The following SORCS3 variants were observed in gnomAD, a reference collection of about 807,000 sequenced individuals.
The protein encoded by SORCS3 is sortilin related VPS10 domain containing receptor 3.
SORCS3 carries 57 observed loss-of-function variants against 146.3 expected under a neutral mutation model. The ratio of observed to expected loss-of-function variants is 0.39; its 90% CI spans 0.31 to 0.49. The LOEUF (loss-of-function observed/expected upper bound fraction) is 0.49. Among genes scored for constraint, SORCS3 ranks in the 20% least tolerant of loss-of-function variants. The probability of loss-of-function intolerance (pLI) is 0.92; values close to 1 mark genes in which losing one functional copy is unlikely to be tolerated. For missense variants in SORCS3, 1,341 were observed against 1,575.5 expected, an observed-to-expected ratio of 0.85 and a Z score of 2.52; for synonymous variants, 653 against 618.5, an observed-to-expected ratio of 1.06 and a Z score of -0.83.
At chr10:105,171,208 A>G (rs2056356884) in intron 13 of SORCS3, among the ~76,000 whole-genome samples, 1 of 152,214 alleles carries the variant, frequency 6.6e-6, no homozygotes, top group Non-Finnish European at 1.5e-5. Flanking sequence ...TTTCCTACAA[A>G]TTGAAATGAT....
chr10:105,259,261 A>G (rs2056947239), intron 25 of SORCS3, among the ~76,000 whole-genome samples: 2 of 152,264 alleles, frequency 1.3e-5, no homozygotes, highest in Non-Finnish European at 2.9e-5. Context: ...ACACCTGGCC[A>G]TTAAACGCTC....
At chr10:104,882,733 A>T (rs564657706) in intron 2 of SORCS3, among the ~76,000 whole-genome samples, 1 of 152,200 alleles carries the variant, frequency 6.6e-6, no homozygotes, top group South Asian at 2.1e-4. Flanking sequence ...GATACAGCCC[A>T]GTCCTCTTGC....
chr10:104,706,201 CTTTTTTTTTTT>C lies in SORCS3; in HGVS notation c.627+64262_627+64272del, dbSNP rs1162969172. ...TTGTTTGTTTGTTTCTTTTCTTCTT[CTTTTTTTTTTT>C]TTTTTTTTTTTTTTGAGAAGGAGTC... On this transcript the variant is annotated intron_variant, in intron 1 of 26. Coordinates refer to ENST00000369701, the MANE Select transcript of SORCS3 (RefSeq NM_014978.3). Among the ~76,000 whole-genome samples the C allele has an allele frequency of 1.2e-4, 10 of 85,872 alleles. 1 individual carries two copies. The South Asian group carries it at 1.8e-3, about 15-fold the overall frequency. 56.3% of individuals were successfully genotyped at this position (85,872 alleles called of 152,430 possible). A position where few individuals can be genotyped will look rare whatever the true frequency, so the allele number is the denominator to read the frequency against.
chr10:104,700,229 G>A (rs1463463224), intron 1 of SORCS3, among the ~76,000 whole-genome samples: 1 of 152,190 alleles, frequency 6.6e-6, no homozygotes, highest in Non-Finnish European at 1.5e-5. Context: ...ACAAGTGAAA[G>A]AAATGAAACT....
intron 7 of SORCS3, among the ~76,000 whole-genome samples, chr10:105,119,267 T>A (rs2055914579): frequency 6.6e-6 from 1 of 152,130 alleles, no homozygotes; most frequent in Non-Finnish European, 1.5e-5. Context: ...AAGTCAAGAA[T>A]TGAGGTTTGG....
At chr10:104,779,385 A>G (rs1038041600) in intron 1 of SORCS3, among the ~76,000 whole-genome samples, 3 of 152,204 alleles carry the variant, frequency 2.0e-5, no homozygotes, top group African/African-American at 7.2e-5. Context: ...GACACAAGGA[A>G]GTTGGACACC....
rs574628717 is a variant in SORCS3, at chr10:104,889,913, C to T, written c.696-25920C>T. On this transcript the variant is annotated intron_variant, in intron 2 of 26. Transcript: ENST00000369701. ...AGTATACAGATGATAGTTCTTTCAT[C>T]TGTTTTAGAAAACCTTTATTTTGCT... Among the ~76,000 whole-genome samples, 154 of 152,162 alleles carry T rather than the reference C, an allele frequency of 1.0e-3. 1 individual carries two copies. The highest frequency in any genetic ancestry group is 3.3e-3 in the African/African-American group (139 of 41,554).
intron 2 of SORCS3, among the ~76,000 whole-genome samples, chr10:104,848,728 G>T (rs1320802608): frequency 6.6e-6 from 1 of 152,116 alleles, no homozygotes; most frequent in African/African-American, 2.4e-5. Context: ...CTCCTGAATG[G>T]GTCACAGAAC....
intron 1 of SORCS3, among the ~76,000 whole-genome samples, chr10:104,704,487 A>G (rs2016314659): frequency 6.6e-6 from 1 of 152,104 alleles, no homozygotes. Flanking sequence ...TGACTTCTAC[A>G]GGTTCAACTA....
At chr10:105,000,721 C>T (rs2055055974) in intron 4 of SORCS3, among the ~76,000 whole-genome samples, 5 of 152,164 alleles carry the variant, frequency 3.3e-5, no homozygotes, top group Admixed American at 3.3e-4. Flanking sequence ...AGACAGTTTG[C>T]TGCTGCATGC....
chr10:104,883,679 T>G (rs923569610), intron 2 of SORCS3, among the ~76,000 whole-genome samples: 1 of 152,206 alleles, frequency 6.6e-6, no homozygotes, highest in Non-Finnish European at 1.5e-5. Flanking sequence ...GGTCCTACTC[T>G]ATTCCCCTTT....
intron 6 of SORCS3, among the ~76,000 whole-genome samples, chr10:105,099,485 T>C (rs1214364242): frequency 6.6e-6 from 1 of 152,186 alleles, no homozygotes; most frequent in Non-Finnish European, 1.5e-5. Flanking sequence ...CACCATGTAA[T>C]TAAACATAAC....
chr10:105,233,521 A>G (rs909815211), intron 20 of SORCS3, among the ~76,000 whole-genome samples: 2 of 152,016 alleles, frequency 1.3e-5, no homozygotes, highest in African/African-American at 4.8e-5. Flanking sequence ...CCTGTCATCT[A>G]CATTAGGTAC....
intron 1 of SORCS3, among the ~76,000 whole-genome samples, chr10:104,716,013 C>G (rs1212744534): frequency 6.6e-6 from 1 of 152,206 alleles, no homozygotes; most frequent in Non-Finnish European, 1.5e-5. Context: ...CTCCTTGCTG[C>G]TTCCACCTCA....
At chr10:105,250,471 C>T (rs1409836000) in intron 22 of SORCS3, among the ~76,000 whole-genome samples, 1 of 152,166 alleles carries the variant, frequency 6.6e-6, no homozygotes, top group Non-Finnish European at 1.5e-5. Flanking sequence ...ACCAATCACT[C>T]GTATGTCCCT....
chr10:104,738,520 C>T (rs1387336947), intron 1 of SORCS3, among the ~76,000 whole-genome samples: 3 of 152,102 alleles, frequency 2.0e-5, no homozygotes, highest in African/African-American at 7.2e-5. Flanking sequence ...CCGTTTCTTT[C>T]TTTATAGTTG....
chr10:104,655,033 A>G (rs1285851756), intron 1 of SORCS3, among the ~76,000 whole-genome samples: 2 of 152,182 alleles, frequency 1.3e-5, no homozygotes, highest in Non-Finnish European at 1.5e-5. Flanking sequence ...CAGACAGATT[A>G]CCTGAGGTCG....
intron 4 of SORCS3, among the ~76,000 whole-genome samples, chr10:104,982,416 A>G (rs1025818323): frequency 5.9e-5 from 9 of 152,312 alleles, no homozygotes; most frequent in African/African-American, 1.9e-4. Flanking sequence ...GTAGGCGATG[A>G]TAAGTTTCTC....
At chr10:104,826,599 G>A (rs190189865) in intron 1 of SORCS3, among the ~76,000 whole-genome samples, 4 of 152,238 alleles carry the variant, frequency 2.6e-5, no homozygotes, top group East Asian at 1.9e-4. Context: ...ATGATTACCC[G>A]AGCCTTTAGT....
Sources: allele counts gnomAD v4.1 joint callset (sites outside exome capture counted in the v4.1 genomes callset), GRCh38; gene constraint gnomAD v4.1.1; transcripts MANE v1.5; gene names NCBI Gene and HGNC (gene_info 2026-07-23, HGNC 2026-07-21).